FBXL7: variants seen among roughly 807,000 people sequenced by gnomAD.
FBXL7 encodes the protein F-box and leucine rich repeat protein 7.
Under a neutral mutation model 38.3 loss-of-function variants are expected in FBXL7, and 12 were observed. That is an observed-to-expected ratio of 0.31 (90% CI 0.20 to 0.51). FBXL7 has a LOEUF of 0.51. Among genes scored for constraint, FBXL7 ranks in the 20% least tolerant of loss-of-function variants. FBXL7 has a pLI of 0.98. For missense variants in FBXL7, 567 were observed against 676.4 expected (o/e 0.84, Z 1.79); for synonymous variants, 297 against 300.9 (o/e 0.99, Z 0.13).
At chr5:15,698,568 A>G (rs1329444954) in intron 2 of FBXL7, among the ~76,000 whole-genome samples, 1 of 152,200 alleles carries the variant, frequency 6.6e-6, no homozygotes, top group East Asian at 1.9e-4. Flanking sequence ...GTTTTTATTT[A>G]AAACAGTGAT....
At chr5:15,695,587 A>G (rs1441394646) in intron 2 of FBXL7, among the ~76,000 whole-genome samples, 3 of 152,134 alleles carry the variant, frequency 2.0e-5, no homozygotes, top group African/African-American at 7.2e-5. Context: ...CACTGGGGTA[A>G]TTTCTTAGTG....
At chr5:15,613,399 A>T (rs776706141) in intron 1 of FBXL7, among the ~76,000 whole-genome samples, 19 of 152,220 alleles carry the variant, frequency 1.2e-4, no homozygotes, top group Non-Finnish European at 4.4e-5. Flanking sequence ...ACCATGGCAG[A>T]TAAATGGCCA....
At chr5:15,878,762 A>T in intron 2 of FBXL7, among the ~76,000 whole-genome samples, 1 of 152,186 alleles carries the variant, frequency 6.6e-6, no homozygotes. Context: ...CTGTCCATAC[A>T]CTACATTTTG....
At chr5:15,607,892 G>GC (rs931861991) in intron 1 of FBXL7, among the ~76,000 whole-genome samples, 6 of 152,084 alleles carry the variant, frequency 3.9e-5, no homozygotes, top group Non-Finnish European at 7.3e-5. Flanking sequence ...CTTCCTTTGG[G>GC]CCTTTGGCCC....
intron 2 of FBXL7, among the ~76,000 whole-genome samples, chr5:15,879,540 G>T (rs1440205180): frequency 6.6e-6 from 1 of 152,146 alleles, no homozygotes; most frequent in Non-Finnish European, 1.5e-5. Context: ...CAAAATCTTT[G>T]CTTAGTATCA....
chr5:15,608,042 TAGAA>T (rs757038830), intron 1 of FBXL7, among the ~76,000 whole-genome samples: 14 of 152,344 alleles, frequency 9.2e-5, no homozygotes, highest in East Asian at 5.8e-4. Flanking sequence ...GTAAAGCAGT[TAGAA>T]AGAGTGGATT....
chr5:15,777,861 C>T (rs1227071935), intron 2 of FBXL7, among the ~76,000 whole-genome samples: 1 of 151,594 alleles, frequency 6.6e-6, no homozygotes, highest in Non-Finnish European at 1.5e-5. Context: ...TATCTTCTCT[C>T]TGGCCATATT....
chr5:15,845,846 C>T (rs1738883101), intron 2 of FBXL7, among the ~76,000 whole-genome samples: 1 of 152,148 alleles, frequency 6.6e-6, no homozygotes, highest in African/African-American at 2.4e-5. Context: ...TGGCGGGTGC[C>T]TGGAGTCCCA....
chr5:15,664,469 C>CTTTTTTTTTTTTTTTTTTTTTTTTTCT (rs34999340), intron 2 of FBXL7, among the ~76,000 whole-genome samples: 1 of 105,534 alleles, frequency 9.5e-6, no homozygotes. Flanking sequence ...TTTTCTTTTC[C>CTTTTTTTTTTTTTTTTTTTTTTTTTCT]TTTTTTTTTT....
chr5:15,572,419 AG>A (rs1738822447), intron 1 of FBXL7, among the ~76,000 whole-genome samples: 1 of 149,408 alleles, frequency 6.7e-6, no homozygotes, highest in Non-Finnish European at 1.5e-5. Flanking sequence ...AATCTTGTTC[AG>A]GGTTCTTGTC....
At chr5:15,557,339 T>C (rs1476819677) in intron 1 of FBXL7, among the ~76,000 whole-genome samples, 1 of 152,228 alleles carries the variant, frequency 6.6e-6, no homozygotes, top group East Asian at 1.9e-4. Context: ...AAATGTTAAA[T>C]ACAGAAGTGA....
intron 1 of FBXL7, among the ~76,000 whole-genome samples, chr5:15,549,772 GT>G (rs1738010102): frequency 1.3e-5 from 2 of 152,298 alleles, no homozygotes; most frequent in African/African-American, 4.8e-5. Flanking sequence ...CTTTCAAAAA[GT>G]TTTTGCATGA....
chr5:15,756,514 T>C (rs534404407), intron 2 of FBXL7, among the ~76,000 whole-genome samples: 2 of 152,330 alleles, frequency 1.3e-5, no homozygotes, highest in African/African-American at 4.8e-5. Context: ...CATTAGTAAC[T>C]ATGGCACTTG....
At chr5:15,715,159 T>C (rs980539559) in intron 2 of FBXL7, among the ~76,000 whole-genome samples, 1 of 152,160 alleles carries the variant, frequency 6.6e-6, no homozygotes, top group Non-Finnish European at 1.5e-5. Context: ...GGAAACTATA[T>C]ATATTTTACA....
At chr5:15,546,621 C>G (rs562325633) in intron 1 of FBXL7, among the ~76,000 whole-genome samples, 2 of 151,214 alleles carry the variant, frequency 1.3e-5, no homozygotes. Flanking sequence ...ATTCCAGCTA[C>G]TTGGGAGGCT....
At chr5:15,707,174 G>GTTTTTTTTTTTTTTTTTTTTTT (rs71603796) in intron 2 of FBXL7, among the ~76,000 whole-genome samples, 37 of 70,402 alleles carry the variant, frequency 5.3e-4, no homozygotes, top group East Asian at 9.7e-4. Flanking sequence ...TTTTCTTTTC[G>GTTTTTTTTTTTTTTTTTTTTTT]TTTTTTTTTT....
At chr5:15,857,975 G>A (rs1045005316) in intron 2 of FBXL7, among the ~76,000 whole-genome samples, 2 of 152,064 alleles carry the variant, frequency 1.3e-5, no homozygotes, top group Non-Finnish European at 2.9e-5. Context: ...ATAGAAACAG[G>A]TAAGTTAAAG....
intron 2 of FBXL7, among the ~76,000 whole-genome samples, chr5:15,756,846 G>A (rs1909722): frequency 0.52 from 78,743 of 152,030 alleles, 20,815 homozygotes; most frequent in East Asian, 0.67. Flanking sequence ...ACTAGAAATA[G>A]CCTTTATGGA....
chr5:15,522,467 G>A (rs1432084414), intron 1 of FBXL7, among the ~76,000 whole-genome samples: 1 of 152,134 alleles, frequency 6.6e-6, no homozygotes, highest in Non-Finnish European at 1.5e-5. Flanking sequence ...CTGGAATTTT[G>A]TAGTGTTTTA....
Sources: allele counts gnomAD v4.1 joint callset (sites outside exome capture counted in the v4.1 genomes callset), GRCh38; gene constraint gnomAD v4.1.1; transcripts MANE v1.5; gene names NCBI Gene and HGNC (gene_info 2026-07-23, HGNC 2026-07-21).